Variants in ZNF207 observed in about 807,000 individuals in gnomAD.
ZNF207 encodes BUB3-interacting and GLEBS motif-containing protein ZNF207.
ZNF207 carries 24 observed loss-of-function variants against 60.2 expected under a neutral mutation model. The ratio of observed to expected loss-of-function variants is 0.40; its 90% CI spans 0.29 to 0.56. The LOEUF (loss-of-function observed/expected upper bound fraction) is 0.56, where lower values mean the gene tolerates loss of function less well. Ranked by LOEUF, ZNF207 falls within the 20% of genes least tolerant of loss-of-function variation. The probability of loss-of-function intolerance (pLI) is 0.49; values close to 1 mark genes in which losing one functional copy is unlikely to be tolerated. For synonymous variants in ZNF207, 236 were observed against 194.7 expected, an observed-to-expected ratio of 1.21 and a Z score of -1.77; for missense variants, 452 against 636.6, an observed-to-expected ratio of 0.71 and a Z score of 3.12.
rs1216699390 is a variant in ZNF207 at position 32,350,217 on chromosome 17, G to A, written c.-69G>A. 6.8e-6 allele frequency: 11 copies of A among 1,608,876 alleles called. No individual in the cohort carries two copies. In the South Asian group the frequency reaches 1.2e-4, roughly 18 times the overall value. Reference sequence around the variant, plus strand: ...GTGGTAGCCGTTGGGTTGGGAAAGTGAGGGATTTTTGGCCTCGTTTCTCCT... The same window carrying A: ...GTGGTAGCCGTTGGGTTGGGAAAGTAAGGGATTTTTGGCCTCGTTTCTCCT... On this transcript the variant is annotated 5_prime_UTR_variant, in exon 1 of 12. Coordinates refer to ENST00000394670, the MANE Select transcript of ZNF207 (RefSeq NM_001098507.2).
In ZNF207 at chr17:32,369,318, T is replaced by G; in HGVS notation, c.1188T>G (p.Pro396=). The G allele has an allele frequency of 1.9e-6, 3 of 1,614,120 alleles. No individual in the cohort carries two copies. The highest frequency in any genetic ancestry group is 2.5e-6 in the Non-Finnish European group (3 of 1,180,018). ...ISLEERRAQL[P]KYQRNLPRPG... Reference sequence around the variant, plus strand: ...AGGAAGAGAGAAGGGCACAGTTACCTAAGTATCAACGTAATCTTCCTCGGC... The same window carrying G: ...AGGAAGAGAGAAGGGCACAGTTACCGAAGTATCAACGTAATCTTCCTCGGC... The change falls in exon 11 of 12, where the codon CCT becomes CCG. Residue 396 remains proline, a synonymous_variant. Transcript: ENST00000394670.
Position 32,377,501 on chromosome 17 carries a change from A to G in ZNF207, c.*7742A>G, listed in dbSNP as rs1905717141. On this transcript the variant is annotated 3_prime_UTR_variant, in exon 12 of 12. Transcript: ENST00000394670. Reference sequence around the variant, plus strand: ...AACAATAGAATTTGCTTCTCAGTACATGTTTTTAAAATTGAGAATCTCTGA... The same window carrying G: ...AACAATAGAATTTGCTTCTCAGTACGTGTTTTTAAAATTGAGAATCTCTGA... 6.6e-6 allele frequency: 1 copy of G among 151,982 alleles called. No individual in the cohort carries two copies. Among genetic ancestry groups the G allele is most frequent in the African/African-American group, 2.4e-5 (1 of 41,442 alleles). 9.4% of individuals were successfully genotyped at this position (151,982 alleles called of 1,614,324 possible). A position where few individuals can be genotyped will look rare whatever the true frequency, so the allele number is the denominator to read the frequency against.
intron 9 of ZNF207, among the ~76,000 whole-genome samples, chr17:32,367,239 TTATATATATATATATATA>T (rs10525886): frequency 0.018 from 564 of 32,196 alleles, 22 homozygotes; most frequent in Admixed American, 0.028. Flanking sequence ...TTGGAGGGGA[TTATATATATATATATATA>T]TATATATATA....
chr17:32,351,307 T>G, intron 1 of ZNF207: 1 of 385,220 alleles, frequency 2.6e-6, no homozygotes, highest in Non-Finnish European at 3.8e-6. Flanking sequence ...GATTGTTCAT[T>G]CGAAATTATG....
Position 32,372,399 on chromosome 17 carries a change from A to G in ZNF207, c.*2640A>G, listed in dbSNP as rs1411320813. 6.6e-6 allele frequency: 1 copy of G among 152,240 alleles called. No individual in the cohort carries two copies. The highest frequency in any genetic ancestry group is 2.4e-5 in the African/African-American group (1 of 41,456). 9.4% of individuals were successfully genotyped at this position (152,240 alleles called of 1,614,324 possible). A position where few individuals can be genotyped will look rare whatever the true frequency, so the allele number is the denominator to read the frequency against. On this transcript the variant is annotated 3_prime_UTR_variant, in exon 12 of 12. Transcript: ENST00000394670. Reference sequence around the variant, plus strand: ...TGTATACGGTTATTGACAAACTGCAATAGGGTTAGTAGACCTGTTTCAGAA... The same window carrying G: ...TGTATACGGTTATTGACAAACTGCAGTAGGGTTAGTAGACCTGTTTCAGAA...
chr17:32,367,864 C>T lies in ZNF207; in HGVS notation c.1014C>T (p.Phe338=), dbSNP rs1905275104. 1.9e-6 allele frequency: 3 copies of T among 1,614,146 alleles called. No homozygotes were observed. Among genetic ancestry groups the T allele is most frequent in the South Asian group, 1.1e-5 (1 of 91,086 alleles). Residue 338 remains phenylalanine (F), a synonymous_variant, in exon 10 of 12, where the codon TTC becomes TTT. Coordinates refer to ENST00000394670, the MANE Select transcript of ZNF207 (RefSeq NM_001098507.2). ...CTACAGAACCCCCAAAGCCTACATT[C>T]CCTGCTTATACACAGTCTACAGCTT... The part of the protein sequence containing the change: ...ATTTEPPKPT[F]PAYTQSTAST...
chr17:32,356,854 A>G (rs1195559810), intron 2 of ZNF207, among the ~76,000 whole-genome samples: 1 of 152,184 alleles, frequency 6.6e-6, no homozygotes, highest in Non-Finnish European at 1.5e-5. Flanking sequence ...ATGAAAAAAA[A>G]TCCCAGATTT....
chr17:32,363,071 A>C, intron 7 of ZNF207, 87 bp downstream of exon 7: 2 of 1,266,150 alleles, frequency 1.6e-6, no homozygotes, highest in Non-Finnish European at 2.2e-6. Flanking sequence ...AGTATAATGA[A>C]ATTTAAAAAT....
At chr17:32,351,983 A>C in intron 2 of ZNF207, 71 bp downstream of exon 2, 1 of 1,437,106 alleles carries the variant, frequency 7.0e-7, no homozygotes, top group Non-Finnish European at 9.3e-7. Flanking sequence ...AATCTTTTTT[A>C]TTTTTTTGAG....
In ZNF207 at chr17:32,369,770, T is replaced by C; in HGVS notation, c.*11T>C. 3 of 1,511,728 alleles carry C rather than the reference T, an allele frequency of 2.0e-6. No homozygotes were observed. The highest frequency in any genetic ancestry group is 2.7e-6 in the Non-Finnish European group (3 of 1,130,750). 93.6% of individuals were successfully genotyped at this position (1,511,728 alleles called of 1,614,324 possible). On this transcript the variant is annotated 3_prime_UTR_variant, in exon 12 of 12. Transcript: ENST00000394670. ...GGTGGCCGTTACTGATCTTACTTCA[T>C]CCAGTCTAATAGGTTTGGAGATTAA...
In ZNF207 at chr17:32,374,867, C is replaced by G. The variant is rs1477859166; in HGVS notation, c.*5108C>G. The stretch of plus-strand genomic sequence containing the variant: ...GAGGTTCATTTTCAGCCTCACTGAA[C>G]AGTGTTTTACGCACATGTGAAAAGT... On this transcript the variant is annotated 3_prime_UTR_variant, in exon 12 of 12. Transcript: ENST00000394670. 6.6e-6 allele frequency: 1 copy of G among 152,132 alleles called. No homozygotes were observed. The highest frequency in any genetic ancestry group is 2.4e-5 in the African/African-American group (1 of 41,422). The allele number at this position is 152,132 out of a possible 1,614,324, so 9.4% of individuals were successfully genotyped here. A position where few individuals can be genotyped will look rare whatever the true frequency, so the allele number is the denominator to read the frequency against.
At chr17:32,362,853 A>G in intron 6 of ZNF207, 61 bp from the exon 7 acceptor site, 2 of 1,484,104 alleles carry the variant, frequency 1.3e-6, no homozygotes, top group East Asian at 2.3e-5. Context: ...TAGCCAGAAT[A>G]TTTTTTAATG....
chr17:32,355,933 CAG>C (rs1175837058), intron 2 of ZNF207, among the ~76,000 whole-genome samples: 6 of 152,084 alleles, frequency 3.9e-5, no homozygotes, highest in South Asian at 2.1e-4. Flanking sequence ...TTTGAAGAGA[CAG>C]GGAGAGGAAG....
chr17:32,350,263 T>A lies in ZNF207; in HGVS notation c.-23T>A, dbSNP rs1312923626. On this transcript the variant is annotated 5_prime_UTR_variant, in exon 1 of 12. Transcript: ENST00000394670. Reference sequence around the variant, plus strand: ...CTCCTGCTTCTTTTCTCCTCCCTTTTACTTTGCCGGTAGAACACAGTTATG... The same window carrying A: ...CTCCTGCTTCTTTTCTCCTCCCTTTAACTTTGCCGGTAGAACACAGTTATG... 1 of 1,614,120 alleles carries A rather than the reference T, an allele frequency of 6.2e-7. No individual in the cohort carries two copies. The highest frequency in any genetic ancestry group is 8.5e-7 in the Non-Finnish European group (1 of 1,179,982).
At chr17:32,357,982 C>T (rs1031014793) in intron 2 of ZNF207, among the ~76,000 whole-genome samples, 1 of 151,718 alleles carries the variant, frequency 6.6e-6, no homozygotes, top group Non-Finnish European at 1.5e-5. Flanking sequence ...GGTTTTGCCA[C>T]GTTGGCCAGG....
intron 1 of ZNF207, 164 bp from the exon 2 acceptor site, chr17:32,351,617 AATAAC>A (rs2041509142): frequency 6.5e-7 from 1 of 1,541,712 alleles, no homozygotes; most frequent in Non-Finnish European, 8.7e-7. Flanking sequence ...AAAATACTGA[AATAAC>A]ATGGCAAGTG....
chr17:32,373,931 T>C lies in ZNF207; in HGVS notation c.*4172T>C, dbSNP rs554541135. ...TCTTTTTTGAGACGGAGTTTCACTC[T>C]TATCACCCAGGATGGAGTGCAGTGG... On this transcript the variant is annotated 3_prime_UTR_variant, in exon 12 of 12. Coordinates refer to ENST00000394670, the MANE Select transcript of ZNF207 (RefSeq NM_001098507.2). 2 of 152,430 alleles carry C rather than the reference T, an allele frequency of 1.3e-5. No homozygotes were observed. The highest frequency in any genetic ancestry group is 4.8e-5 in the African/African-American group (2 of 41,590). 9.4% of individuals were successfully genotyped at this position (152,430 alleles called of 1,614,324 possible). A position where few individuals can be genotyped will look rare whatever the true frequency, so the allele number is the denominator to read the frequency against.
In ZNF207 at chr17:32,358,752, G is replaced by C. The variant is rs1452051001; in HGVS notation, c.307+111G>C. 9 of 826,784 alleles carry C rather than the reference G, an allele frequency of 1.1e-5. No homozygotes were observed. The Admixed American group carries it at 2.2e-4, about 20-fold the overall frequency. 51.2% of individuals were successfully genotyped at this position (826,784 alleles called of 1,614,324 possible). ...AGGCTGGAGTACAGTGGTGTGATCT[G>C]GGCTCTCTGCATCTTCTGCCTCCGG... is the stretch of plus-strand genomic sequence containing the variant. On this transcript the variant is annotated intron_variant, in intron 3 of 11. Transcript: ENST00000394670.
intron 2 of ZNF207, among the ~76,000 whole-genome samples, chr17:32,357,387 T>C (rs1212999207): frequency 2.7e-5 from 4 of 146,756 alleles, no homozygotes; most frequent in African/African-American, 1.0e-4. Context: ...CTCGCTCTCT[T>C]GCCCAGGCTA....
Sources: allele counts gnomAD v4.1 joint callset (sites outside exome capture counted in the v4.1 genomes callset), GRCh38; gene constraint gnomAD v4.1.1; transcripts MANE v1.5; gene names NCBI Gene and HGNC (gene_info 2026-07-23, HGNC 2026-07-21).